FTCDNL1: variants seen among roughly 807,000 people sequenced by gnomAD.
The protein encoded by FTCDNL1 is formiminotransferase N-terminal subdomain-containing protein.
Under a neutral mutation model 5.9 loss-of-function variants are expected in FTCDNL1, and 11 were observed. That is an observed-to-expected ratio of 1.87 (90% CI 1.18 to 3.10). The LOEUF (loss-of-function observed/expected upper bound fraction) is 3.10. FTCDNL1 is among the 30% of genes most tolerant of loss of function. FTCDNL1 has a pLI of 0.00. For missense variants in FTCDNL1, 115 were observed against 65.5 expected (o/e 1.76, Z -2.61); for synonymous variants, 58 against 24.8 (o/e 2.34, Z -3.99).
chr2:199,809,070 C>T (rs146452279), downstream of FTCDNL1, among the ~76,000 whole-genome samples: 161 of 152,264 alleles, frequency 1.1e-3, 6 homozygotes, highest in South Asian at 0.031. Flanking sequence ...AAATTCCTCA[C>T]GTCTAAAAAC....
intron 2 of FTCDNL1, among the ~76,000 whole-genome samples, chr2:199,846,706 A>G (rs1418775204): frequency 6.6e-6 from 1 of 152,222 alleles, no homozygotes; most frequent in Admixed American, 6.5e-5. Flanking sequence ...GGAGGCCACC[A>G]ACAGCCTTCA....
the FTCDNL1 span, among the ~76,000 whole-genome samples, chr2:199,728,055 T>C: frequency 6.6e-6 from 1 of 152,204 alleles, no homozygotes; most frequent in African/African-American, 2.4e-5. Context: ...TATCCTGGGA[T>C]CTTATTAACC....
chr2:199,749,177 A>G, the FTCDNL1 span, among the ~76,000 whole-genome samples: 1 of 152,206 alleles, frequency 6.6e-6, no homozygotes, highest in Non-Finnish European at 1.5e-5. Context: ...CACCTGGGGC[A>G]CATACCTGGC....
At chr2:199,785,249 C>CTTTTTTTTTTTTTTTTT (rs61047289) in intron 3 of FTCDNL1, among the ~76,000 whole-genome samples, 1,172 of 76,852 alleles carry the variant, frequency 0.015, 241 homozygotes, top group Middle Eastern at 0.087. Flanking sequence ...TTCCAAATTC[C>CTTTTTTTTTTTTTTTTT]TTTTTTTTTT....
chr2:199,699,650 A>G, the FTCDNL1 span, among the ~76,000 whole-genome samples: 5 of 152,344 alleles, frequency 3.3e-5, no homozygotes, highest in South Asian at 1.0e-3. Context: ...AAAATCCTCA[A>G]CAAAATACTA....
chr2:199,825,825 C>T (rs1013447220), intron 3 of FTCDNL1, among the ~76,000 whole-genome samples: 1 of 152,194 alleles, frequency 6.6e-6, no homozygotes, highest in Non-Finnish European at 1.5e-5. Flanking sequence ...AGTATTCATT[C>T]ATAGCAATGC....
chr2:199,703,059 TTTA>T, the FTCDNL1 span, among the ~76,000 whole-genome samples: 2 of 152,038 alleles, frequency 1.3e-5, no homozygotes, highest in Non-Finnish European at 2.9e-5. Flanking sequence ...TTTATTTAAT[TTTA>T]TTATTATTAT....
the FTCDNL1 span, among the ~76,000 whole-genome samples, chr2:199,753,283 T>A: frequency 2.6e-5 from 4 of 152,280 alleles, no homozygotes; most frequent in Non-Finnish European, 4.4e-5. Flanking sequence ...TTTCCCAAGC[T>A]GCAGGAGAGC....
chr2:199,785,262 T>TTTTTTTTTTTTTTTTTTTTTTTA (rs1699580013), intron 3 of FTCDNL1, among the ~76,000 whole-genome samples: 1 of 138,694 alleles, frequency 7.2e-6, no homozygotes, highest in Non-Finnish European at 1.5e-5. Context: ...TTTTTTTTTT[T>TTTTTTTTTTTTTTTTTTTTTTTA]TTTGAGACAG....
At chr2:199,826,930 A>G (rs904071442) in intron 3 of FTCDNL1, among the ~76,000 whole-genome samples, 3 of 152,266 alleles carry the variant, frequency 2.0e-5, no homozygotes, top group African/African-American at 7.2e-5. Flanking sequence ...GGAAGTGATG[A>G]TAGAATTAGA....
the FTCDNL1 span, among the ~76,000 whole-genome samples, chr2:199,676,226 C>G: frequency 6.6e-6 from 1 of 152,142 alleles, no homozygotes; most frequent in Admixed American, 6.5e-5. Flanking sequence ...GAGAGACAAC[C>G]GGAAGTCTCC....
chr2:199,731,780 T>C, the FTCDNL1 span, among the ~76,000 whole-genome samples: 221 of 150,506 alleles, frequency 1.5e-3, 1 homozygote, highest in African/African-American at 5.1e-3. Flanking sequence ...CCCAGCTACT[T>C]GGGAGGCTGA....
At chr2:199,840,535 T>C (rs1260231577) in intron 3 of FTCDNL1, among the ~76,000 whole-genome samples, 1 of 152,050 alleles carries the variant, frequency 6.6e-6, no homozygotes, top group Non-Finnish European at 1.5e-5. Context: ...AATTTTCATA[T>C]TCCACAGTGA....
At chr2:199,704,512 G>A in the FTCDNL1 span, among the ~76,000 whole-genome samples, 2 of 152,094 alleles carry the variant, frequency 1.3e-5, no homozygotes, top group Non-Finnish European at 2.9e-5. Context: ...GCAAAATGCT[G>A]AAAAGTGTGG....
At chr2:199,682,031 G>A in the FTCDNL1 span, among the ~76,000 whole-genome samples, 1 of 152,002 alleles carries the variant, frequency 6.6e-6, no homozygotes, top group Non-Finnish European at 1.5e-5. Flanking sequence ...GTTGTTGTTG[G>A]GTGTTGTGAT....
chr2:199,676,402 G>A, the FTCDNL1 span, among the ~76,000 whole-genome samples: 1 of 151,820 alleles, frequency 6.6e-6, no homozygotes, highest in Non-Finnish European at 1.5e-5. Flanking sequence ...CCAAGCTCTG[G>A]GAGGTTTCAT....
chr2:199,739,360 A>G, the FTCDNL1 span, among the ~76,000 whole-genome samples: 1 of 152,160 alleles, frequency 6.6e-6, no homozygotes, highest in East Asian at 1.9e-4. Context: ...TGTGCTGCGA[A>G]TTTTTTATTT....
At chr2:199,725,676 T>A in the FTCDNL1 span, among the ~76,000 whole-genome samples, 1 of 152,216 alleles carries the variant, frequency 6.6e-6, no homozygotes, top group Non-Finnish European at 1.5e-5. Flanking sequence ...AATTCTGGGT[T>A]GGAAATTCTT....
chr2:199,739,502 A>G, the FTCDNL1 span, among the ~76,000 whole-genome samples: 1 of 152,206 alleles, frequency 6.6e-6, no homozygotes, highest in Admixed American at 6.5e-5. Context: ...ACTGTGGACA[A>G]CACACTTCTG....
Sources: allele counts gnomAD v4.1 joint callset (sites outside exome capture counted in the v4.1 genomes callset), GRCh38; gene constraint gnomAD v4.1.1; transcripts MANE v1.5; gene names NCBI Gene and HGNC (gene_info 2026-07-23, HGNC 2026-07-21).